Variants in NISCH observed in about 807,000 individuals in gnomAD.
The protein encoded by NISCH is I-1 receptor candidate protein.
In NISCH, 55 loss-of-function variants were observed where a neutral mutation model predicts 138.4. The ratio of observed to expected loss-of-function variants is 0.40; its 90% CI spans 0.32 to 0.50. The LOEUF (loss-of-function observed/expected upper bound fraction) is 0.50. Ranked by LOEUF, NISCH falls within the 20% of genes least tolerant of loss-of-function variation. NISCH has a pLI of 0.71. For synonymous variants in NISCH, 860 were observed against 861.5 expected, an observed-to-expected ratio of 1.00 and a Z score of 0.03; for missense variants, 1,643 against 2,005.5, an observed-to-expected ratio of 0.82 and a Z score of 3.45.
In NISCH at chr3:52,470,797, A is replaced by T. The variant is rs1252455717; in HGVS notation, c.361-62A>T. On this transcript the variant is annotated intron_variant, in intron 3 of 20. Transcript: ENST00000345716. ...CAACAGAGGGGATAGATAGCGGGGA[A>T]TGTGACCCCAGGGACTGGGGTCAGG... 3 of 1,353,212 alleles carry T rather than the reference A, an allele frequency of 2.2e-6. No homozygotes were observed. In the East Asian group the frequency reaches 6.9e-5, roughly 31 times the overall value. The allele number at this position is 1,353,212 out of a possible 1,614,324, so 83.8% of individuals were successfully genotyped here.
chr3:52,476,093 G>A (rs1237758524), intron 7 of NISCH, among the ~76,000 whole-genome samples: 3 of 152,162 alleles, frequency 2.0e-5, no homozygotes, highest in African/African-American at 7.2e-5. Context: ...AACTGAGATT[G>A]CGCCACTGCA....
rs1459302079 is a variant in NISCH, at chr3:52,478,480, C to T, written c.1205C>T (p.Pro402Leu). The T allele has an allele frequency of 1.2e-6, 2 of 1,614,194 alleles. No individual in the cohort carries two copies. Among genetic ancestry groups the T allele is most frequent in the Non-Finnish European group, 1.7e-6 (2 of 1,180,028 alleles). The change falls in exon 11 of 21, where the codon CCG becomes CTG. Residue 402 changes from proline (P) to leucine (L), a missense_variant. Transcript: ENST00000345716. ...MEEVRSIGSL[P>L]CLEHVSLLNN... ...GAGGTCCGGAGCATAGGCAGCCTCC[C>T]GTGTCTGGAGCACGTGTCTCTGCTG...
chr3:52,481,526 T>C (rs1441456070), intron 13 of NISCH: 1 of 985,342 alleles, frequency 1.0e-6, no homozygotes. Context: ...CTGCCTCCTG[T>C]AGCGCAGCCA....
intron 13 of NISCH, chr3:52,484,301 C>T: frequency 1.9e-6 from 1 of 521,650 alleles, no homozygotes. Flanking sequence ...TCTCCCTGCC[C>T]TGAGATTAGA....
At chr3:52,472,519 A>G (rs1052544952) in intron 6 of NISCH, 121 bp downstream of exon 6, 60 of 879,818 alleles carry the variant, frequency 6.8e-5, no homozygotes, top group Non-Finnish European at 1.1e-4. Flanking sequence ...GCAGTATGTG[A>G]CAGGTTCTGC....
At chr3:52,467,704 C>T (rs1028202182) in intron 3 of NISCH, among the ~76,000 whole-genome samples, 10 of 152,346 alleles carry the variant, frequency 6.6e-5, no homozygotes, top group African/African-American at 2.2e-4. Context: ...TAGCAGGAGC[C>T]GGTGGCCCTT....
chr3:52,472,332 C>G lies in NISCH; in HGVS notation c.603C>G (p.Thr201=). 1 of 1,614,116 alleles carries G rather than the reference C, an allele frequency of 6.2e-7. No homozygotes were observed. The highest frequency in any genetic ancestry group is 1.1e-5 in the South Asian group (1 of 91,076). ...KVSGTEGPFG[T]SNIQEQLLPF... is the part of the protein sequence containing the mutation. ...CTGGCACAGAAGGACCTTTTGGGACCAGCAACATTCAGGAGCAGCTCCTGC... is the reference window on the plus strand; with the variant it reads ...CTGGCACAGAAGGACCTTTTGGGACGAGCAACATTCAGGAGCAGCTCCTGC... The change falls in exon 6 of 21, where the codon ACC becomes ACG. Residue 201 remains threonine, a synonymous_variant. Transcript: ENST00000345716.
intron 19 of NISCH, 115 bp from the exon 20 acceptor site, chr3:52,491,237 C>T (rs1269700246): frequency 1.2e-5 from 17 of 1,445,850 alleles, no homozygotes; most frequent in Non-Finnish European, 1.5e-5. Flanking sequence ...TGTGTGGGCC[C>T]TCCTGGCCCT....
chr3:52,490,293 GGT>G (rs1255463351), intron 18 of NISCH, 62 bp downstream of exon 18: 2 of 1,574,742 alleles, frequency 1.3e-6, no homozygotes. Flanking sequence ...AGGCCTGGGG[GGT>G]CATTCTCTGG....
Position 52,481,119 on chromosome 3 carries a change from C to T in NISCH, c.1528+824C>T, listed in dbSNP as rs1396575852. 4 of 1,285,926 alleles carry T rather than the reference C, an allele frequency of 3.1e-6. No homozygotes were observed. In the East Asian group the frequency reaches 9.2e-5, roughly 30 times the overall value. 79.7% of individuals were successfully genotyped at this position (1,285,926 alleles called of 1,614,324 possible). On this transcript the variant is annotated intron_variant, in intron 13 of 20. Coordinates refer to ENST00000345716, the MANE Select transcript of NISCH (RefSeq NM_007184.4). Reference sequence around the variant, plus strand: ...CCCACCCCTTGACCTGGTAACCCCACTGGTGGGGATTTTCTCTTAGAGGGA... The same window carrying T: ...CCCACCCCTTGACCTGGTAACCCCATTGGTGGGGATTTTCTCTTAGAGGGA...
intron 2 of NISCH, 71 bp downstream of exon 2, chr3:52,457,997 CAT>C: frequency 8.2e-7 from 1 of 1,216,806 alleles, no homozygotes; most frequent in South Asian, 1.2e-5. Context: ...CATTGTGCCA[CAT>C]ATTAGTTTTA....
At chr3:52,464,147 CAGCACTT>C in intron 3 of NISCH, among the ~76,000 whole-genome samples, 2 of 151,882 alleles carry the variant, frequency 1.3e-5, no homozygotes, top group East Asian at 3.9e-4. Context: ...CCTGTAATCC[CAGCACTT>C]TGGAAGGCTG....
chr3:52,491,520 CT>C lies in NISCH; in HGVS notation c.3904+8del, dbSNP rs1559646132. 6.2e-7 allele frequency: 1 copy of C among 1,607,772 alleles called. No homozygotes were observed. The highest frequency in any genetic ancestry group is 8.5e-7 in the Non-Finnish European group (1 of 1,176,610). On this transcript the variant is annotated splice_region_variant and intron_variant, in intron 20 of 20. Coordinates refer to ENST00000345716, the MANE Select transcript of NISCH (RefSeq NM_007184.4). The stretch of plus-strand genomic sequence containing the variant: ...TTTGGGAACAAGACCACAGGTACCC[CT>C]GTCTAGCTCAGGCTGCAGACAGGCT...
intron 3 of NISCH, among the ~76,000 whole-genome samples, chr3:52,465,303 T>G (rs987197806): frequency 6.6e-5 from 10 of 152,078 alleles, no homozygotes; most frequent in African/African-American, 2.4e-4. Flanking sequence ...CTAATTTTTG[T>G]ACTTTTTGTG....
In NISCH at chr3:52,455,621, G is replaced by T. The variant is rs758938244; in HGVS notation, c.-21G>T. The T allele has an allele frequency of 1.5e-6, 2 of 1,310,340 alleles. No homozygotes were observed. The highest frequency in any genetic ancestry group is 2.0e-6 in the Non-Finnish European group (2 of 1,022,960). The allele number at this position is 1,310,340 out of a possible 1,614,324, so 81.2% of individuals were successfully genotyped here. A position where few individuals can be genotyped will look rare whatever the true frequency, so the allele number is the denominator to read the frequency against. On this transcript the variant is annotated 5_prime_UTR_variant, in exon 1 of 21. Transcript: ENST00000345716. ...CTGCTGCTAGTCTGCGCCGGGCGGC[G>T]GTGGCGGCGGAGACCCGAACATGGC...
intron 3 of NISCH, among the ~76,000 whole-genome samples, chr3:52,469,801 A>T (rs1706888575): frequency 6.6e-6 from 1 of 151,782 alleles, no homozygotes; most frequent in Admixed American, 6.6e-5. Context: ...TGTACTACCA[A>T]CTACTTGGGA....
chr3:52,469,096 C>A (rs1403410732), intron 3 of NISCH, among the ~76,000 whole-genome samples: 1 of 152,174 alleles, frequency 6.6e-6, no homozygotes, highest in Non-Finnish European at 1.5e-5. Context: ...GAAAAGGACA[C>A]CCTGTCTCCT....
At chr3:52,471,022 G>A (rs1706931216) in intron 4 of NISCH, 115 bp downstream of exon 4, 2 of 1,034,846 alleles carry the variant, frequency 1.9e-6, no homozygotes, top group Admixed American at 3.4e-5. Context: ...TCCCCTGTAG[G>A]TGGCCAGGTC....
rs571541735 is a variant in NISCH, at chr3:52,458,333, C to T, written c.178-329C>T. The stretch of plus-strand genomic sequence containing the variant: ...TTTCTCTGGGTCATTTGCAGCATAA[C>T]TGTTTTAAAGACACACCGCTGCCCT... On this transcript the variant is annotated intron_variant, in intron 2 of 20. Coordinates refer to ENST00000345716, the MANE Select transcript of NISCH (RefSeq NM_007184.4). Among the ~76,000 whole-genome samples the T allele has an allele frequency of 3.3e-5, 5 of 152,240 alleles. No individual in the cohort carries two copies. In the East Asian group the frequency reaches 5.8e-4, roughly 18 times the overall value.
Sources: allele counts gnomAD v4.1 joint callset (sites outside exome capture counted in the v4.1 genomes callset), GRCh38; gene constraint gnomAD v4.1.1; transcripts MANE v1.5; gene names NCBI Gene and HGNC (gene_info 2026-07-23, HGNC 2026-07-21).